Variants in MDFI observed in about 807,000 individuals in gnomAD.
MDFI encodes inhibitor of MyoD family a.
A neutral mutation model predicts 22.3 loss-of-function variants in MDFI; 16 were observed. The observed-to-expected ratio is 0.72, with a 90% CI of 0.49 to 1.09. The LOEUF (loss-of-function observed/expected upper bound fraction) is 1.09. Among genes scored for constraint, MDFI ranks in the 50% least tolerant of loss-of-function variants. The probability of loss-of-function intolerance (pLI) is 0.00; values close to 1 mark genes in which losing one functional copy is unlikely to be tolerated. For missense variants in MDFI, 314 were observed against 326.1 expected (o/e 0.96, Z 0.29); for synonymous variants, 145 against 142.7 (o/e 1.02, Z -0.12).
chr6:41,653,648 C>T lies in MDFI; in HGVS notation c.*73C>T, dbSNP rs1427809016. The T allele has an allele frequency of 6.4e-7, 1 of 1,564,086 alleles. No homozygotes were observed. Among genetic ancestry groups the T allele is most frequent in the East Asian group, 2.2e-5 (1 of 44,496 alleles). On this transcript the variant is annotated 3_prime_UTR_variant, in exon 5 of 5. Transcript: ENST00000230321. The surrounding 1 kb of genome is among the most constrained non-coding windows in gnomAD (Gnocchi z 4.2). ...AGGGTCCCTCTGAGTGGGGCCAGGC[C>T]CAGGACTGTCACACAAGGCTTGAGA...
chr6:41,649,914 C>T (rs1033941528), intron 4 of MDFI, 71 bp downstream of exon 4: 2 of 1,320,652 alleles, frequency 1.5e-6, no homozygotes, highest in African/African-American at 2.9e-5. Context: ...GACGCATGGG[C>T]CCACTGGAGC....
In MDFI at chr6:41,653,416, G is replaced by A. The variant is rs1581847676; in HGVS notation, c.582G>A (p.Ser194=). 1.1e-5 allele frequency: 17 copies of A among 1,609,290 alleles called. No individual in the cohort carries two copies. Among genetic ancestry groups the A allele is most frequent in the Non-Finnish European group, 1.3e-5 (15 of 1,179,986 alleles). The part of the protein sequence containing the change: ...LDCATCGSCS[S]EDSCLCCCCC... ...GCGCCACCTGTGGCTCCTGCAGCTCGGAGGACTCGTGCCTCTGCTGCTGCT... is the reference window on the plus strand; with the variant it reads ...GCGCCACCTGTGGCTCCTGCAGCTCAGAGGACTCGTGCCTCTGCTGCTGCT... The change falls in exon 5 of 5, where the codon TCG becomes TCA. Residue 194 remains serine (S), a synonymous_variant. Transcript: ENST00000230321. This position sits in a 1 kb window ranked among gnomAD's most constrained non-coding sequence, Gnocchi z 4.2.
Position 41,646,677 on chromosome 6 carries a change from AG to A in MDFI, c.259+370del, listed in dbSNP as rs1265678862. Among the ~76,000 whole-genome samples, 14 of 152,302 alleles carry A rather than the reference AG, an allele frequency of 9.2e-5. No homozygotes were observed. In the South Asian group the frequency reaches 2.5e-3, roughly 27 times the overall value. ...CCGGGAATCAGGGATAAAAGGAAGA[AG>A]CCCCCAGTTGCTCTAGGGCGAAAGG... is the stretch of plus-strand genomic sequence containing the variant. On this transcript the variant is annotated intron_variant, in intron 3 of 4. Transcript: ENST00000230321.
In MDFI at chr6:41,638,804, C is replaced by A; in HGVS notation, c.55C>A (p.Pro19Thr). 1 of 1,563,210 alleles carries A rather than the reference C, an allele frequency of 6.4e-7. No individual in the cohort carries two copies. The highest frequency in any genetic ancestry group is 1.2e-5 in the South Asian group (1 of 85,684). The stretch of plus-strand genomic sequence containing the variant: ...TGGCTGCGACGCGCCCTATGGAGCC[C>A]CCAGCGCAGCCCCGGGCCCAGGTAG... The part of the protein sequence containing the change: ...PSGCDAPYGA[P>T]SAAPGPAQTL... Residue 19 changes from proline to threonine, a missense_variant, in exon 2 of 5, where the codon CCC becomes ACC. Pro to Thr is a conservative substitution (Grantham distance 38, BLOSUM62 -1). Transcript: ENST00000230321. The surrounding 1 kb of genome is among the most constrained non-coding windows in gnomAD (Gnocchi z 7.6).
At position 41,653,274 on chromosome 6, in the gene MDFI, C is replaced by A; in HGVS notation, c.485-45C>A. On this transcript the variant is annotated intron_variant, in intron 4 of 4. Coordinates refer to ENST00000230321, the MANE Select transcript of MDFI (RefSeq NM_005586.4). This position sits in a 1 kb window ranked among gnomAD's most constrained non-coding sequence, Gnocchi z 4.2. ...CCCCGGCTATTTCACACACGCTCATCCCTCCCCTCTCTCACCCGTCCCCCT... is the reference window on the plus strand; with the variant it reads ...CCCCGGCTATTTCACACACGCTCATACCTCCCCTCTCTCACCCGTCCCCCT... The A allele has an allele frequency of 6.4e-7, 1 of 1,574,190 alleles. No homozygotes were observed.
rs151247971 is a variant in MDFI, at chr6:41,649,742, G to A, written c.383G>A (p.Arg128Gln). 1.5e-3 allele frequency: 2,489 copies of A among 1,614,110 alleles called. 32 individuals carry two copies. The African/African-American group carries it at 0.028, about 18-fold the overall frequency. Reference protein sequence around the residue: ...NGALGGPKAHRKLQTHPSLAS... With the variant: ...NGALGGPKAHQKLQTHPSLAS... ...GCCCTGGGTGGCCCCAAGGCCCACC[G>A]GAAGTTGCAGACACACCCATCTCTC... is the stretch of plus-strand genomic sequence containing the variant. The change falls in exon 4 of 5, where the codon CGG (arginine) becomes CAG (glutamine). Residue 128 changes from arginine (R) to glutamine (Q), a missense_variant. Coordinates refer to ENST00000230321, the MANE Select transcript of MDFI (RefSeq NM_005586.4).
In MDFI at chr6:41,653,858, T is replaced by C; in HGVS notation, c.*283T>C. The C allele has an allele frequency of 2.1e-6, 1 of 482,854 alleles. No individual in the cohort carries two copies. The allele number at this position is 482,854 out of a possible 1,614,324, so 29.9% of individuals were successfully genotyped here. ...TTGCTGAGGACCTGACAGGACAACCTAGGGGCAGGGCTGGGGTGGGGACCG... is the reference window on the plus strand; with the variant it reads ...TTGCTGAGGACCTGACAGGACAACCCAGGGGCAGGGCTGGGGTGGGGACCG... On this transcript the variant is annotated 3_prime_UTR_variant, in exon 5 of 5. Transcript: ENST00000230321. The surrounding 1 kb of genome is among the most constrained non-coding windows in gnomAD (Gnocchi z 4.2).
upstream of MDFI, among the ~76,000 whole-genome samples, chr6:41,637,544 C>T (rs536552865): frequency 6.6e-6 from 1 of 152,240 alleles, no homozygotes; most frequent in East Asian, 1.9e-4. The surrounding 1 kb of genome is among the most constrained non-coding windows in gnomAD (Gnocchi z 6.8). Context: ...CCCGCCCAGC[C>T]CCACCTGGAG....
At chr6:41,643,664 A>G in intron 2 of MDFI, among the ~76,000 whole-genome samples, 1 of 146,706 alleles carries the variant, frequency 6.8e-6, no homozygotes, top group African/African-American at 2.6e-5. Flanking sequence ...AAAAAAAGAG[A>G]GAGAGAAAGG....
At chr6:41,647,249 G>A (rs1768085013) in intron 3 of MDFI, among the ~76,000 whole-genome samples, 1 of 152,242 alleles carries the variant, frequency 6.6e-6, no homozygotes, top group African/African-American at 2.4e-5. Context: ...GAATGGGACA[G>A]ACACTCCTGT....
At chr6:41,639,533 G>T in intron 2 of MDFI, 3 of 985,400 alleles carry the variant, frequency 3.0e-6, no homozygotes, top group Non-Finnish European at 3.6e-6. Context: ...TTGGAGTAGG[G>T]GCCTCGCCGG....
At chr6:41,651,707 G>C (rs1025002240) in intron 4 of MDFI, among the ~76,000 whole-genome samples, 1 of 152,142 alleles carries the variant, frequency 6.6e-6, no homozygotes, top group Non-Finnish European at 1.5e-5. Flanking sequence ...GGAGAACAGG[G>C]TTAGACCCTC....
rs1344664371 is a variant in MDFI, at chr6:41,638,500, C to G, written c.-164C>G. On this transcript the variant is annotated 5_prime_UTR_variant, in exon 1 of 5. Coordinates refer to ENST00000230321, the MANE Select transcript of MDFI (RefSeq NM_005586.4). The surrounding 1 kb of genome is among the most constrained non-coding windows in gnomAD (Gnocchi z 7.6). The stretch of plus-strand genomic sequence containing the variant: ...AGGGGCGAACGGCGTGAGCTGGCGC[C>G]GAAATGGGAGAAAGCAGCGAGTGAG... 1.9e-6 allele frequency: 1 copy of G among 522,578 alleles called. No individual in the cohort carries two copies. Among genetic ancestry groups the G allele is most frequent in the African/African-American group, 2.1e-5 (1 of 48,512 alleles). The allele number at this position is 522,578 out of a possible 1,614,324, so 32.4% of individuals were successfully genotyped here. A position where few individuals can be genotyped will look rare whatever the true frequency, so the allele number is the denominator to read the frequency against.
intron 3 of MDFI, among the ~76,000 whole-genome samples, chr6:41,647,799 C>G (rs1417051386): frequency 1.3e-5 from 2 of 151,928 alleles, no homozygotes; most frequent in Non-Finnish European, 2.9e-5. Flanking sequence ...TCCCAGCACT[C>G]TGGGAGGCTG....
At position 41,638,735 on chromosome 6, in the gene MDFI, G is replaced by A. The variant is rs1374025103; in HGVS notation, c.-11-4G>A. The stretch of plus-strand genomic sequence containing the variant: ...CGCCGCCCGCTGAGCCCTGTTTTCC[G>A]CAGGTCCGGGGCCGATGTACCAGGT... On this transcript the variant is annotated splice_region_variant and splice_polypyrimidine_tract_variant and intron_variant, in intron 1 of 4. Coordinates refer to ENST00000230321, the MANE Select transcript of MDFI (RefSeq NM_005586.4). This position sits in a 1 kb window ranked among gnomAD's most constrained non-coding sequence, Gnocchi z 7.6. The A allele has an allele frequency of 6.4e-7, 1 of 1,559,004 alleles. No homozygotes were observed.
At chr6:41,642,523 G>A (rs898840147) in intron 2 of MDFI, among the ~76,000 whole-genome samples, 3 of 152,168 alleles carry the variant, frequency 2.0e-5, no homozygotes, top group Non-Finnish European at 4.4e-5. Flanking sequence ...CACACCTAGG[G>A]GTCTGGGCCA....
chr6:41,639,566 C>G (rs934924181), intron 2 of MDFI: 3 of 985,340 alleles, frequency 3.0e-6, no homozygotes, highest in Non-Finnish European at 3.6e-6. Flanking sequence ...GTCCCTTCCC[C>G]TCACTGGCCA....
intron 2 of MDFI, among the ~76,000 whole-genome samples, chr6:41,643,232 C>G (rs923138818): frequency 1.3e-5 from 2 of 152,194 alleles, no homozygotes; most frequent in Non-Finnish European, 2.9e-5. Flanking sequence ...CAAAACTCCC[C>G]CTCTGTACTG....
intron 4 of MDFI, among the ~76,000 whole-genome samples, chr6:41,652,481 G>A (rs929687047): frequency 2.0e-5 from 3 of 152,206 alleles, no homozygotes; most frequent in Non-Finnish European, 2.9e-5. Flanking sequence ...CTCTGGCTGC[G>A]GTGTGGAGTG....
Sources: allele counts gnomAD v4.1 joint callset (sites outside exome capture counted in the v4.1 genomes callset), GRCh38; gene constraint gnomAD v4.1.1; non-coding constraint Gnocchi (gnomAD v3.1); transcripts MANE v1.5; gene names NCBI Gene and HGNC (gene_info 2026-07-23, HGNC 2026-07-21).